The following NOX5 variants were observed in gnomAD, a reference collection of about 807,000 sequenced individuals.
NOX5 encodes NADPH oxidase, EF-hand calcium binding domain 5.
NOX5 carries 76 observed loss-of-function variants against 85.7 expected under a neutral mutation model. The observed-to-expected ratio is 0.89, with a 90% CI of 0.74 to 1.07. NOX5 has a LOEUF of 1.07. NOX5 is among the 50% of genes least tolerant of loss of function. NOX5 has a pLI of 0.00. For synonymous variants in NOX5, 405 were observed against 401.4 expected (o/e 1.01, Z -0.11); for missense variants, 973 against 999.5 (o/e 0.97, Z 0.36).
At chr15:69,023,541 T>C (rs773610228) in intron 1 of NOX5, 1 of 293,460 alleles carries the variant, frequency 3.4e-6, no homozygotes, top group Non-Finnish European at 6.6e-6. Flanking sequence ...GTGTCGGTCA[T>C]AGAGCTCTTT....
At chr15:69,019,069 C>A (rs1010655757) in intron 1 of NOX5, among the ~76,000 whole-genome samples, 1 of 152,142 alleles carries the variant, frequency 6.6e-6, no homozygotes, top group Non-Finnish European at 1.5e-5. Flanking sequence ...CACTATGTTG[C>A]GCAGGCTGGT....
Position 69,033,367 on chromosome 15 carries a change from T to C in NOX5, c.855+90T>C, listed in dbSNP as rs2050467326. The C allele has an allele frequency of 1.1e-5, 15 of 1,407,910 alleles. No homozygotes were observed. The East Asian group carries it at 3.6e-4, about 34-fold the overall frequency. The allele number at this position is 1,407,910 out of a possible 1,614,324, so 87.2% of individuals were successfully genotyped here. Reference sequence around the variant, plus strand: ...GACAGAGCGACCCACAGAGGACACCTGGAATGCCAGGGCAGGGTGGCACCT... The same window carrying C: ...GACAGAGCGACCCACAGAGGACACCCGGAATGCCAGGGCAGGGTGGCACCT... On this transcript the variant is annotated intron_variant, in intron 5 of 15. Transcript: ENST00000388866.
intron 13 of NOX5, among the ~76,000 whole-genome samples, chr15:69,048,595 C>T (rs2050705982): frequency 6.6e-6 from 1 of 151,942 alleles, no homozygotes; most frequent in Non-Finnish European, 1.5e-5. Flanking sequence ...ATAATGGAAA[C>T]ATGTTTGCCT....
Position 69,031,656 on chromosome 15 carries a change from G to T in NOX5, c.464G>T (p.Arg155Leu). 6.2e-7 allele frequency: 1 copy of T among 1,613,290 alleles called. No homozygotes were observed. Among genetic ancestry groups the T allele is most frequent in the Middle Eastern group, 1.6e-4 (1 of 6,062 alleles). The change falls in exon 4 of 16, where the codon CGC becomes CTC. Residue 155 changes from arginine (R) to leucine (L), a missense_variant. Coordinates refer to ENST00000388866, the MANE Select transcript of NOX5 (RefSeq NM_024505.4). ...CGCACTGTGCTGCAGTCGTGTCTGC[G>T]CGAGAGCGCCATCTCGCTGCCTGAC... is the stretch of plus-strand genomic sequence containing the variant. ...ELRTVLQSCLRESAISLPDEK... is the reference protein window; with the variant it reads ...ELRTVLQSCLLESAISLPDEK...
At chr15:69,019,057 T>C (rs311911) in intron 1 of NOX5, among the ~76,000 whole-genome samples, 82,860 of 151,980 alleles carry the variant, frequency 0.55, 22,867 homozygotes, top group African/African-American at 0.59. Context: ...GAGATGAGGT[T>C]TCACTATGTT....
rs909074744 is a variant in NOX5, at chr15:69,060,496, G to A, written c.*3800G>A. ...AAGTGAACAGATCAAGTATGTATGCGTTTAAGCACTTGTCATTTCTAAAAG... is the reference window on the plus strand; with the variant it reads ...AAGTGAACAGATCAAGTATGTATGCATTTAAGCACTTGTCATTTCTAAAAG... On this transcript the variant is annotated 3_prime_UTR_variant, in exon 16 of 16. Transcript: ENST00000388866. 16 of 152,292 alleles carry A rather than the reference G, an allele frequency of 1.1e-4. No homozygotes were observed. The highest frequency in any genetic ancestry group is 3.4e-4 in the African/African-American group (14 of 41,564). 9.4% of individuals were successfully genotyped at this position (152,292 alleles called of 1,614,324 possible).
chr15:69,018,113 C>T (rs1567091114), intron 1 of NOX5, among the ~76,000 whole-genome samples: 1 of 152,050 alleles, frequency 6.6e-6, no homozygotes, highest in Admixed American at 6.5e-5. Flanking sequence ...CCGGACCGCA[C>T]TCATGGAGCC....
Position 69,035,930 on chromosome 15 carries a change from C to T in NOX5, c.1182C>T (p.His394=). The T allele has an allele frequency of 1.2e-6, 2 of 1,614,106 alleles. No individual in the cohort carries two copies. Residue 394 remains histidine (H), a synonymous_variant, in exon 7 of 16, where the codon CAC becomes CAT. Transcript: ENST00000388866. ...GTTCCTGCATCCGCAGGAGTGGCCACTTTGAGGTGCCCCAGTTGCTGCCCT... is the reference window on the plus strand; with the variant it reads ...GTTCCTGCATCCGCAGGAGTGGCCATTTTGAGGTGCCCCAGTTGCTGCCCT... ...CSSSCIRRSG[H]FEVFYWTHLS... is the part of the protein sequence containing the mutation.
chr15:69,049,164 C>T (rs2050715055), intron 14 of NOX5, 106 bp downstream of exon 14: 2 of 599,468 alleles, frequency 3.3e-6, no homozygotes, highest in Non-Finnish European at 5.5e-6. Context: ...TAAAATGAAC[C>T]ATTTAACCAT....
intron 13 of NOX5, 36 bp from the exon 14 acceptor site, chr15:69,048,923 G>T: frequency 1.3e-6 from 2 of 1,527,322 alleles, no homozygotes; most frequent in South Asian, 2.3e-5. Context: ...AAATCAGGGA[G>T]ACCCAGCCTC....
intron 13 of NOX5, 65 bp downstream of exon 13, chr15:69,047,976 G>C: frequency 7.0e-7 from 1 of 1,435,688 alleles, no homozygotes; most frequent in African/African-American, 1.4e-5. Context: ...TAAAATAGGA[G>C]CCCATCCTCC....
At chr15:69,025,429 A>G (rs1310395574) in intron 1 of NOX5, among the ~76,000 whole-genome samples, 2 of 152,286 alleles carry the variant, frequency 1.3e-5, no homozygotes, top group Non-Finnish European at 1.5e-5. Context: ...AGATCATGAA[A>G]AGGACACTCA....
chr15:69,035,342 CT>C lies in NOX5; in HGVS notation c.856-11del. 1 of 1,612,918 alleles carries C rather than the reference CT, an allele frequency of 6.2e-7. No individual in the cohort carries two copies. The highest frequency in any genetic ancestry group is 8.5e-7 in the Non-Finnish European group (1 of 1,179,410). On this transcript the variant is annotated splice_polypyrimidine_tract_variant and intron_variant, in intron 5 of 15. Transcript: ENST00000388866. The stretch of plus-strand genomic sequence containing the variant: ...GAGTGAGGCAGGGCTCTCTCCCACT[CT>C]GCCTGGCCAGGTGCTGATGCTCAGA...
At position 69,038,918 on chromosome 15, in the gene NOX5, A is replaced by G; in HGVS notation, c.1433A>G (p.Tyr478Cys). Residue 478 changes from tyrosine (Y) to cysteine (C), a missense_variant, in exon 9 of 16, where the codon TAT becomes TGT. Coordinates refer to ENST00000388866, the MANE Select transcript of NOX5 (RefSeq NM_024505.4). ...FFHYRPGDYLYLNIPTIARYE... is the reference protein window; with the variant it reads ...FFHYRPGDYLCLNIPTIARYE... ...CACTATAGACCTGGTGACTACTTGTATCTGAACATCCCCACCATTGCTCGC... is the reference window on the plus strand; with the variant it reads ...CACTATAGACCTGGTGACTACTTGTGTCTGAACATCCCCACCATTGCTCGC... 2 of 1,614,006 alleles carry G rather than the reference A, an allele frequency of 1.2e-6. No homozygotes were observed. The highest frequency in any genetic ancestry group is 1.1e-5 in the South Asian group (1 of 91,060).
chr15:69,038,888 T>C lies in NOX5; in HGVS notation c.1403T>C (p.Phe468Ser). The C allele has an allele frequency of 6.2e-7, 1 of 1,614,130 alleles. No homozygotes were observed. The highest frequency in any genetic ancestry group is 8.5e-7 in the Non-Finnish European group (1 of 1,180,020). ...VTHLLIKRPP[F>S]FHYRPGDYLY... ...CATCTCCTCATCAAGCGGCCCCCTT[T>C]TTTTCACTATAGACCTGGTGACTAC... Residue 468 changes from phenylalanine (F) to serine (S), a missense_variant, in exon 9 of 16, where the codon TTT becomes TCT. By Grantham distance (155) the Phe-to-Ser change is radical. Coordinates refer to ENST00000388866, the MANE Select transcript of NOX5 (RefSeq NM_024505.4).
At chr15:69,024,522 C>T (rs1458173135) in intron 1 of NOX5, among the ~76,000 whole-genome samples, 3 of 152,046 alleles carry the variant, frequency 2.0e-5, no homozygotes, top group Non-Finnish European at 2.9e-5. Flanking sequence ...TTATCAGATC[C>T]ACAGATCTCA....
intron 1 of NOX5, among the ~76,000 whole-genome samples, chr15:69,015,021 A>G (rs2050214584): frequency 6.6e-6 from 1 of 152,144 alleles, no homozygotes; most frequent in Non-Finnish European, 1.5e-5. Flanking sequence ...GTGTAATAGC[A>G]ATACCCAGCA....
intron 6 of NOX5, 26 bp from the exon 7 acceptor site, chr15:69,035,732 C>T (rs1361727080): frequency 6.2e-7 from 1 of 1,608,580 alleles, no homozygotes; most frequent in African/African-American, 1.3e-5. Context: ...CTTGCAGTCA[C>T]TCAACCTTTC....
At chr15:69,018,121 G>A (rs1443902672) in intron 1 of NOX5, among the ~76,000 whole-genome samples, 3 of 152,056 alleles carry the variant, frequency 2.0e-5, no homozygotes, top group African/African-American at 7.2e-5. Flanking sequence ...CACTCATGGA[G>A]CCCCAGAGGC....
Sources: gnomAD v4.1 joint callset for allele counts (sites outside exome capture counted in the v4.1 genomes callset) on GRCh38, gnomAD v4.1.1 for gene constraint, MANE v1.5 for transcripts, NCBI Gene and HGNC (gene_info 2026-07-23, HGNC 2026-07-21) for gene names.